The following METTL15 variants were observed in gnomAD, a reference collection of about 807,000 sequenced individuals.
The protein encoded by METTL15 is 12S rRNA N(4)-cytidine methyltransferase METTL15.
Under a neutral mutation model 38.3 loss-of-function variants are expected in METTL15, and 34 were observed. That is an observed-to-expected ratio of 0.89 (90% CI 0.68 to 1.18). The LOEUF is 1.18. METTL15 is among the 50% of genes most tolerant of loss of function. The pLI, the probability that METTL15 is intolerant of heterozygous loss-of-function variation, is 0.00. For missense variants in METTL15, 438 were observed against 498.4 expected (o/e 0.88, Z 1.15); for synonymous variants, 162 against 170.9 (o/e 0.95, Z 0.41).
At chr11:28,405,924 G>A (rs1343447890) in intron 5 of METTL15, among the ~76,000 whole-genome samples, 1 of 152,144 alleles carries the variant, frequency 6.6e-6, no homozygotes, top group African/African-American at 2.4e-5. Flanking sequence ...TTGTAGGTGT[G>A]CAGTCTTATT....
intron 5 of METTL15, among the ~76,000 whole-genome samples, chr11:28,410,208 A>G (rs145003044): frequency 6.6e-6 from 1 of 152,176 alleles, no homozygotes; most frequent in Non-Finnish European, 1.5e-5. Context: ...GATTACCAAT[A>G]ATTTTTAAAT....
intron 3 of METTL15, chr11:28,123,924 C>A: frequency 7.4e-7 from 1 of 1,358,806 alleles, no homozygotes; most frequent in Non-Finnish European, 9.8e-7. Context: ...CCACTTGAGG[C>A]GAGTATACAC....
intron 3 of METTL15, among the ~76,000 whole-genome samples, chr11:28,347,332 A>G (rs1395485221): frequency 6.6e-6 from 1 of 152,204 alleles, no homozygotes; most frequent in African/African-American, 2.4e-5. Flanking sequence ...ACTGTCATTT[A>G]CTTTGGCTGA....
At chr11:28,388,448 C>A (rs1408148332) in intron 5 of METTL15, among the ~76,000 whole-genome samples, 1 of 151,956 alleles carries the variant, frequency 6.6e-6, no homozygotes, top group South Asian at 2.1e-4. Context: ...AGAAAATAAT[C>A]CTATTTATAA....
At position 28,210,921 on chromosome 11, in the gene METTL15, A is replaced by C. The variant is rs1170383445; in HGVS notation, c.271-141A>C. 4.5e-6 allele frequency: 4 copies of C among 882,364 alleles called. No homozygotes were observed. The African/African-American group carries it at 5.1e-5, about 11-fold the overall frequency. 54.7% of individuals were successfully genotyped at this position (882,364 alleles called of 1,614,324 possible). A position where few individuals can be genotyped will look rare whatever the true frequency, so the allele number is the denominator to read the frequency against. ...CCAGATCTCACATGTAACAAATTCA[A>C]CTATAGGCACAACGATTGTAATTAT... On this transcript the variant is annotated intron_variant, in intron 3 of 6. Transcript: ENST00000407364.
Position 28,231,218 on chromosome 11 carries a change from A to G in METTL15, c.407+20020A>G, listed in dbSNP as rs150191231. On this transcript the variant is annotated intron_variant, in intron 4 of 6. Transcript: ENST00000407364. ...AAAGACAGATAATTAAGAAGTATTT[A>G]TTTAAGATAAGTGTCAGGACCCAAA... Among the ~76,000 whole-genome samples the G allele has an allele frequency of 8.6e-3, 1,310 of 151,992 alleles. 10 individuals carry two copies. Among genetic ancestry groups the G allele is most frequent in the Non-Finnish European group, 0.015 (986 of 67,814 alleles).
At chr11:28,325,527 A>G (rs1849607400) in intron 6 of METTL15, among the ~76,000 whole-genome samples, 1 of 152,208 alleles carries the variant, frequency 6.6e-6, no homozygotes, top group Non-Finnish European at 1.5e-5. Context: ...ATGATCCTGG[A>G]TTTTTATCCA....
chr11:28,149,526 C>A (rs1306507310), intron 3 of METTL15, among the ~76,000 whole-genome samples: 3 of 151,892 alleles, frequency 2.0e-5, no homozygotes, highest in African/African-American at 7.2e-5. Flanking sequence ...TGTTACTTTG[C>A]AGGTTACCTT....
At chr11:28,431,790 TAAAAAAAAAAAAAAA>T (rs869087503) in intron 6 of METTL15, among the ~76,000 whole-genome samples, 26 of 71,464 alleles carry the variant, frequency 3.6e-4, no homozygotes, top group Admixed American at 2.2e-3. Context: ...AAAATAAATT[TAAAAAAAAAAAAAAA>T]AAGAAAAAAA....
chr11:28,331,126 T>C lies in METTL15; in HGVS notation c.*285T>C, dbSNP rs905682462. 20 of 226,462 alleles carry C rather than the reference T, an allele frequency of 8.8e-5. No homozygotes were observed. The highest frequency in any genetic ancestry group is 2.9e-3 in the Middle Eastern group (2 of 692). The allele number at this position is 226,462 out of a possible 1,614,324, so 14.0% of individuals were successfully genotyped here. ...TCTGGCCAGGAAATTTTTTAAAAAA[T>C]AATACTGTGTTGTGTTTATCTAAAT... On this transcript the variant is annotated 3_prime_UTR_variant, in exon 7 of 7. Transcript: ENST00000407364.
intron 6 of METTL15, among the ~76,000 whole-genome samples, chr11:28,328,814 A>G (rs1249523093): frequency 6.6e-6 from 1 of 152,084 alleles, no homozygotes; most frequent in Non-Finnish European, 1.5e-5. Flanking sequence ...GATATAAATA[A>G]TATACATGTA....
At chr11:28,414,389 C>G (rs962402569) in intron 5 of METTL15, among the ~76,000 whole-genome samples, 8 of 152,044 alleles carry the variant, frequency 5.3e-5, no homozygotes, top group African/African-American at 1.9e-4. Context: ...TGTTAAAACT[C>G]AATTAGAAGA....
intron 4 of METTL15, among the ~76,000 whole-genome samples, chr11:28,237,030 T>A (rs182069407): frequency 2.6e-5 from 4 of 152,280 alleles, no homozygotes; most frequent in African/African-American, 9.6e-5. Flanking sequence ...TGGCTGCCCT[T>A]ATAATTTTTT....
chr11:28,409,381 CAAAAAAAAA>C (rs58050337), intron 5 of METTL15, among the ~76,000 whole-genome samples: 2 of 81,338 alleles, frequency 2.5e-5, no homozygotes, highest in East Asian at 4.1e-4. Context: ...GACTCCGTCT[CAAAAAAAAA>C]AAAAAAAAAA....
At chr11:28,316,951 G>A (rs1857501322) in intron 6 of METTL15, among the ~76,000 whole-genome samples, 1 of 152,076 alleles carries the variant, frequency 6.6e-6, no homozygotes, top group African/African-American at 2.4e-5. Flanking sequence ...TGCAGACTCG[G>A]GTACGTCTTT....
intron 4 of METTL15, among the ~76,000 whole-genome samples, chr11:28,275,944 C>T (rs764450492): frequency 6.6e-6 from 1 of 151,996 alleles, no homozygotes. Flanking sequence ...AAGGAACATT[C>T]CTTAAAATAC....
chr11:28,292,906 G>GT (rs1856577867), intron 5 of METTL15, among the ~76,000 whole-genome samples: 4 of 152,150 alleles, frequency 2.6e-5, no homozygotes, highest in Admixed American at 2.0e-4. Flanking sequence ...TGAAGGGGTT[G>GT]TTTTTTTCTT....
At chr11:28,488,037 A>T (rs953502651) in intron 6 of METTL15, among the ~76,000 whole-genome samples, 1 of 152,194 alleles carries the variant, frequency 6.6e-6, no homozygotes, top group African/African-American at 2.4e-5. Context: ...AAGAAATTCT[A>T]TAAATTAGAT....
intron 3 of METTL15, among the ~76,000 whole-genome samples, chr11:28,119,538 C>T (rs1045612822): frequency 7.2e-5 from 11 of 152,064 alleles, no homozygotes; most frequent in African/African-American, 1.9e-4. Flanking sequence ...GGCACCTAAA[C>T]GGAAGCAAAA....
Sources: allele counts gnomAD v4.1 joint callset (sites outside exome capture counted in the v4.1 genomes callset), GRCh38; gene constraint gnomAD v4.1.1; transcripts MANE v1.5; gene names NCBI Gene and HGNC (gene_info 2026-07-23, HGNC 2026-07-21).